MTCL1: variants seen among roughly 807,000 people sequenced by gnomAD.
The protein encoded by MTCL1 is microtubule cross-linking factor 1.
In MTCL1, 79 loss-of-function variants were observed where a neutral mutation model predicts 141.4. The ratio of observed to expected loss-of-function variants is 0.56; its 90% CI spans 0.47 to 0.67. MTCL1 has a LOEUF of 0.67. MTCL1 is among the 30% of genes least tolerant of loss of function. The pLI, the probability that MTCL1 is intolerant of heterozygous loss-of-function variation, is 0.00. For synonymous variants in MTCL1, 914 were observed against 875.8 expected, an observed-to-expected ratio of 1.04 and a Z score of -0.77; for missense variants, 2,177 against 2,113.9, an observed-to-expected ratio of 1.03 and a Z score of -0.59.
exon 1 of MTCL1, chr18:8,706,316 C>A: frequency 8.1e-7 from 1 of 1,230,424 alleles, no homozygotes; most frequent in Non-Finnish European, 1.0e-6. Context: ...CCCTCCGAAC[C>A]CCTGTCCGAC....
intron 12 of MTCL1, among the ~76,000 whole-genome samples, chr18:8,816,950 T>C (rs535134622): frequency 6.6e-6 from 1 of 152,278 alleles, no homozygotes; most frequent in East Asian, 1.9e-4. Context: ...GCAGCAGATA[T>C]CTCCACCACA....
chr18:8,784,383 A>G (rs1469770557), exon 6 of MTCL1: 1 of 1,527,704 alleles, frequency 6.5e-7, no homozygotes, highest in Non-Finnish European at 8.8e-7. Flanking sequence ...ATGTTTGAGA[A>G]GACGTCGGGC....
intron 4 of MTCL1, among the ~76,000 whole-genome samples, chr18:8,746,981 C>A (rs1474416449): frequency 6.6e-6 from 1 of 152,168 alleles, no homozygotes; most frequent in African/African-American, 2.4e-5. Context: ...CTGCCAGTTC[C>A]GTCTCTCCAC....
chr18:8,753,958 T>C (rs1422355103), intron 4 of MTCL1, among the ~76,000 whole-genome samples: 2 of 152,232 alleles, frequency 1.3e-5, no homozygotes, highest in African/African-American at 4.8e-5. Context: ...TTTGGTGATA[T>C]ACTTCAAATT....
chr18:8,813,634 G>T (rs1246419157), intron 12 of MTCL1, among the ~76,000 whole-genome samples: 1 of 152,210 alleles, frequency 6.6e-6, no homozygotes, highest in African/African-American at 2.4e-5. Flanking sequence ...CACAGTGACT[G>T]CTCCAACTTG....
chr18:8,741,979 G>T (rs1195939509), intron 4 of MTCL1, among the ~76,000 whole-genome samples: 1 of 151,882 alleles, frequency 6.6e-6, no homozygotes, highest in Non-Finnish European at 1.5e-5. Flanking sequence ...CCAAGAAAAC[G>T]CCTGCTTCCT....
At chr18:8,722,251 T>G (rs2096178211) in intron 4 of MTCL1, among the ~76,000 whole-genome samples, 1 of 152,150 alleles carries the variant, frequency 6.6e-6, no homozygotes, top group Non-Finnish European at 1.5e-5. Flanking sequence ...ACGTGGGGAT[T>G]GGAGGTGCGG....
intron 4 of MTCL1, among the ~76,000 whole-genome samples, chr18:8,775,123 T>C (rs1352118659): frequency 6.6e-6 from 1 of 152,154 alleles, no homozygotes; most frequent in Non-Finnish European, 1.5e-5. Context: ...AGTGCGTACA[T>C]TGGGAGAATG....
At chr18:8,791,943 C>T (rs2075742883) in intron 7 of MTCL1, among the ~76,000 whole-genome samples, 1 of 152,196 alleles carries the variant, frequency 6.6e-6, no homozygotes. Flanking sequence ...ATACCCCTTT[C>T]TCATATCCCC....
At chr18:8,773,871 A>T (rs932640733) in intron 4 of MTCL1, among the ~76,000 whole-genome samples, 1 of 152,184 alleles carries the variant, frequency 6.6e-6, no homozygotes, top group African/African-American at 2.4e-5. Flanking sequence ...TAGTTTCATT[A>T]ATCTGTCTAT....
intron 5 of MTCL1, among the ~76,000 whole-genome samples, chr18:8,781,897 A>G (rs576717736): frequency 6.6e-6 from 1 of 152,288 alleles, no homozygotes; most frequent in Non-Finnish European, 1.5e-5. Flanking sequence ...CCTCCCGAGG[A>G]CGCACAGATA....
At chr18:8,751,553 A>G (rs1389276012) in intron 4 of MTCL1, among the ~76,000 whole-genome samples, 2 of 152,236 alleles carry the variant, frequency 1.3e-5, no homozygotes, top group Non-Finnish European at 2.9e-5. Flanking sequence ...TCATGTCATC[A>G]ACACTCTAAA....
intron 10 of MTCL1, among the ~76,000 whole-genome samples, chr18:8,803,970 G>A (rs911008486): frequency 2.0e-5 from 3 of 152,062 alleles, no homozygotes; most frequent in Admixed American, 6.6e-5. Flanking sequence ...GAAAACCATC[G>A]ATTACATATA....
At chr18:8,718,294 G>A (rs994357420) in intron 2 of MTCL1, 130 bp from the exon 2 acceptor site, 11 of 847,650 alleles carry the variant, frequency 1.3e-5, no homozygotes, top group Admixed American at 2.5e-5. Flanking sequence ...TCACCCAGGC[G>A]TGGCCATGAG....
intron 7 of MTCL1, among the ~76,000 whole-genome samples, chr18:8,792,324 A>C (rs528769745): frequency 6.6e-6 from 1 of 152,336 alleles, no homozygotes; most frequent in East Asian, 1.9e-4. Context: ...AGACTTTACC[A>C]ATAAAAATCA....
At chr18:8,723,243 T>A (rs917357630) in intron 4 of MTCL1, among the ~76,000 whole-genome samples, 1 of 152,210 alleles carries the variant, frequency 6.6e-6, no homozygotes, top group Non-Finnish European at 1.5e-5. Flanking sequence ...TATCTCATGA[T>A]ACAAGGTTCA....
chr18:8,794,010 G>A (rs1444707668), intron 8 of MTCL1, among the ~76,000 whole-genome samples: 1 of 152,220 alleles, frequency 6.6e-6, no homozygotes, highest in East Asian at 1.9e-4. Context: ...TGCAGCTTAG[G>A]GAAGGCAGGG....
At chr18:8,784,747 C>T in exon 6 of MTCL1, 2 of 1,614,212 alleles carry the variant, frequency 1.2e-6, no homozygotes, top group Non-Finnish European at 8.5e-7. Flanking sequence ...CCTTGCCCCA[C>T]CTCACAGAGT....
intron 4 of MTCL1, among the ~76,000 whole-genome samples, chr18:8,737,026 A>T (rs1338412568): frequency 5.3e-5 from 8 of 152,110 alleles, no homozygotes; most frequent in African/African-American, 7.2e-5. Context: ...GCATGAGGGG[A>T]TTTAAAGAGC....
Sources: allele counts gnomAD v4.1 joint callset (sites outside exome capture counted in the v4.1 genomes callset), GRCh38; gene constraint gnomAD v4.1.1; transcripts MANE v1.5; gene names NCBI Gene and HGNC (gene_info 2026-07-23, HGNC 2026-07-21).